Variants in BTBD2 observed in about 807,000 individuals in gnomAD.
BTBD2 encodes BTB domain containing 2.
In BTBD2, 15 loss-of-function variants were observed where a neutral mutation model predicts 44.0. The observed-to-expected ratio is 0.34, with a 90% CI of 0.23 to 0.53. The LOEUF is 0.53. Among genes scored for constraint, BTBD2 ranks in the 20% least tolerant of loss-of-function variants. The pLI is 0.95. For synonymous variants in BTBD2, 443 were observed against 335.9 expected, an observed-to-expected ratio of 1.32 and a Z score of -3.49; for missense variants, 657 against 746.4, an observed-to-expected ratio of 0.88 and a Z score of 1.39.
At chr19:1,999,616 G>C (rs993350097) in intron 1 of BTBD2, among the ~76,000 whole-genome samples, 13 of 151,304 alleles carry the variant, frequency 8.6e-5, no homozygotes, top group African/African-American at 3.2e-4. Flanking sequence ...CAGAGAGCCA[G>C]GACTGCGCCA....
In BTBD2 at chr19:1,986,239, C is replaced by T; in HGVS notation, c.*249G>A. On this transcript the variant is annotated 3_prime_UTR_variant, in exon 9 of 9. Transcript: ENST00000255608. ...GGCCGGCACAGCCCTGTCCCTAGTC[C>T]TGAGGGATTGTCTCCACAGGGCCTG... The T allele has an allele frequency of 1.8e-6, 1 of 549,902 alleles. No individual in the cohort carries two copies. Among genetic ancestry groups the T allele is most frequent in the East Asian group, 3.1e-5 (1 of 32,280 alleles). The allele number at this position is 549,902 out of a possible 1,614,324, so 34.1% of individuals were successfully genotyped here. A position where few individuals can be genotyped will look rare whatever the true frequency, so the allele number is the denominator to read the frequency against.
chr19:1,990,625 C>A (rs953899957), intron 4 of BTBD2, 92 bp downstream of exon 4: 4 of 1,226,320 alleles, frequency 3.3e-6, no homozygotes, highest in African/African-American at 1.5e-5. Context: ...ACCTGTGCAA[C>A]TCCCCCAGGC....
intron 1 of BTBD2, among the ~76,000 whole-genome samples, chr19:2,000,166 G>A (rs945447101): frequency 2.0e-5 from 3 of 152,040 alleles, no homozygotes; most frequent in Non-Finnish European, 2.9e-5. Flanking sequence ...CTCCGGGACT[G>A]GCAGAGGATG....
intron 5 of BTBD2, chr19:1,988,293 G>A (rs1271597943): frequency 6.5e-6 from 1 of 152,752 alleles, no homozygotes. Flanking sequence ...GATGTGAAGG[G>A]GCTCTGGGTA....
At chr19:2,013,438 G>A (rs2016493038) in intron 1 of BTBD2, 6 of 919,396 alleles carry the variant, frequency 6.5e-6, no homozygotes, top group Non-Finnish European at 7.8e-6. Context: ...GGGTCTCTGG[G>A]TTGGAAGGGC....
intron 1 of BTBD2, among the ~76,000 whole-genome samples, chr19:2,010,179 C>T (rs1194610110): frequency 6.6e-6 from 1 of 152,172 alleles, no homozygotes; most frequent in African/African-American, 2.4e-5. Context: ...ATTTTAGATA[C>T]TAACTTCATG....
In BTBD2 at chr19:1,993,163, C is replaced by T; in HGVS notation, c.541G>A (p.Asp181Asn). The change falls in exon 3 of 9, where the codon GAC (aspartate) becomes AAC (asparagine). Residue 181 changes from aspartate to asparagine, a missense_variant. Transcript: ENST00000255608. ...FLALLKFLYS[D>N]EVQIGPETVM... The stretch of plus-strand genomic sequence containing the variant: ...GTCTCCGGGCCAATCTGCACCTCGT[C>T]CGAGTAGAGAAACCTGCAGAAGCAA... The T allele has an allele frequency of 6.2e-7, 1 of 1,602,162 alleles. No homozygotes were observed. The highest frequency in any genetic ancestry group is 1.1e-5 in the South Asian group (1 of 90,654).
At chr19:1,987,778 A>ATGTC in intron 5 of BTBD2, 86 bp from the exon 6 acceptor site, 1 of 1,343,974 alleles carries the variant, frequency 7.4e-7, no homozygotes, top group Admixed American at 2.4e-5. Flanking sequence ...TCCCCCTAAG[A>ATGTC]TGTCTGCGTC....
chr19:2,013,426 G>A, intron 1 of BTBD2: 1 of 814,470 alleles, frequency 1.2e-6, no homozygotes. Context: ...CCCCGGAGCT[G>A]GGGGTCTCTG....
chr19:2,001,366 C>T (rs2016328188), intron 1 of BTBD2, among the ~76,000 whole-genome samples: 2 of 152,206 alleles, frequency 1.3e-5, no homozygotes, highest in South Asian at 2.1e-4. Context: ...CGTGGTGGCA[C>T]CTGTAATCCC....
chr19:1,993,007 C>A lies in BTBD2; in HGVS notation c.684+13G>T, dbSNP rs1328086179. On this transcript the variant is annotated intron_variant, in intron 3 of 8. Transcript: ENST00000255608. ...GCCTGGCCCCGCCCCCGCCTCGTAC[C>A]GGCCCCGCCCACCTGCGTGAGCAGC... 9 of 1,531,974 alleles carry A rather than the reference C, an allele frequency of 5.9e-6. No individual in the cohort carries two copies. The highest frequency in any genetic ancestry group is 1.8e-5 in the Admixed American group (1 of 54,254). The allele number at this position is 1,531,974 out of a possible 1,614,324, so 94.9% of individuals were successfully genotyped here. A position where few individuals can be genotyped will look rare whatever the true frequency, so the allele number is the denominator to read the frequency against.
At chr19:1,997,315 C>T (rs2016264110) in intron 2 of BTBD2, 29 bp downstream of exon 2, 6 of 1,613,582 alleles carry the variant, frequency 3.7e-6, no homozygotes, top group Admixed American at 3.3e-5. Flanking sequence ...AGGCCCAGCT[C>T]CCCAGCAGGA....
chr19:2,007,032 A>G (rs2016403885), intron 1 of BTBD2, among the ~76,000 whole-genome samples: 1 of 151,936 alleles, frequency 6.6e-6, no homozygotes, highest in Non-Finnish European at 1.5e-5. Flanking sequence ...TAATTTTTGT[A>G]TATTTAGTAG....
rs751737133 is a variant in BTBD2, at chr19:1,987,701, CAG to C, written c.989-11_989-10del. On this transcript the variant is annotated splice_polypyrimidine_tract_variant and intron_variant, in intron 5 of 8. Coordinates refer to ENST00000255608, the MANE Select transcript of BTBD2 (RefSeq NM_017797.4). ...GCCCGACTGTGCGGGACCTGCAGCA[CAG>C]GGAGGGTGTGGGGGAGGGCCGGGCT... The C allele has an allele frequency of 6.3e-7, 1 of 1,581,986 alleles. No homozygotes were observed. The highest frequency in any genetic ancestry group is 2.3e-5 in the East Asian group (1 of 44,422).
chr19:1,993,194 G>C lies in BTBD2; in HGVS notation c.528-18C>G. Reference sequence around the variant, plus strand: ...AGAGAAACCTGCAGAAGCAACGCGGGTGGCCGTGAGGTGGGACCGCCATGC... The same window carrying C: ...AGAGAAACCTGCAGAAGCAACGCGGCTGGCCGTGAGGTGGGACCGCCATGC... On this transcript the variant is annotated intron_variant, in intron 2 of 8. Transcript: ENST00000255608. The C allele has an allele frequency of 6.3e-7, 1 of 1,585,714 alleles. No individual in the cohort carries two copies. Among genetic ancestry groups the C allele is most frequent in the Non-Finnish European group, 8.5e-7 (1 of 1,172,802 alleles).
At chr19:1,994,231 G>A (rs903155371) in intron 2 of BTBD2, among the ~76,000 whole-genome samples, 3 of 151,092 alleles carry the variant, frequency 2.0e-5, no homozygotes, top group Non-Finnish European at 2.9e-5. Context: ...CACAAGAATC[G>A]CTTGAACCCA....
intron 1 of BTBD2, chr19:2,013,610 G>GTGACC (rs2016495001): frequency 2.0e-6 from 2 of 989,104 alleles, no homozygotes; most frequent in South Asian, 9.2e-5. Context: ...GGTCACTGAA[G>GTGACC]TGGGAGGTGG....
chr19:1,993,592 T>C (rs957351236), intron 2 of BTBD2, among the ~76,000 whole-genome samples: 1 of 151,922 alleles, frequency 6.6e-6, no homozygotes, highest in Non-Finnish European at 1.5e-5. Flanking sequence ...GGGTGGATCA[T>C]AGAACCCAAC....
chr19:1,996,353 A>T (rs7259757), intron 2 of BTBD2, among the ~76,000 whole-genome samples: 3 of 151,870 alleles, frequency 2.0e-5, no homozygotes, highest in African/African-American at 7.3e-5. Context: ...TAATTCTGAT[A>T]GGATTATACT....
Sources: allele counts gnomAD v4.1 joint callset (sites outside exome capture counted in the v4.1 genomes callset), GRCh38; gene constraint gnomAD v4.1.1; transcripts MANE v1.5; gene names NCBI Gene and HGNC (gene_info 2026-07-23, HGNC 2026-07-21).